The following DDX51 variants were observed in gnomAD, a reference collection of about 807,000 sequenced individuals.
DDX51 encodes DEAD-box helicase 51, also known as ATP-dependent RNA helicase DDX51.
Under a neutral mutation model 74.6 loss-of-function variants are expected in DDX51, and 67 were observed. The observed-to-expected ratio is 0.90, with a 90% CI of 0.74 to 1.10. The LOEUF (loss-of-function observed/expected upper bound fraction) is 1.10. Ranked by LOEUF, DDX51 falls within the 50% of genes least tolerant of loss-of-function variation. The pLI is 0.00. For synonymous variants in DDX51, 545 were observed against 402.9 expected, an observed-to-expected ratio of 1.35 and a Z score of -4.22; for missense variants, 1,056 against 905.2, an observed-to-expected ratio of 1.17 and a Z score of -2.14.
rs748487633 is a variant in DDX51 at position 132,140,491 on chromosome 12, G to A, written c.1605C>T (p.Phe535=). Residue 535 remains phenylalanine, a synonymous_variant, in exon 11 of 15, where the codon TTC becomes TTT. Coordinates refer to ENST00000397333, the MANE Select transcript of DDX51 (RefSeq NM_175066.4). ...QAFGGVDVAE[F]SSRYGPGQRR... ...TCTGGCCAGGCCCGTAGCGCGAGGA[G>A]AACTCAGCCACGTCCACACCCCCAA... 3 of 1,613,184 alleles carry A rather than the reference G, an allele frequency of 1.9e-6. No homozygotes were observed. The highest frequency in any genetic ancestry group is 2.2e-5 in the South Asian group (2 of 91,086).
At chr12:132,140,269 G>A (rs985424395) in intron 11 of DDX51, 70 bp from the exon 12 acceptor site, 8 of 1,577,630 alleles carry the variant, frequency 5.1e-6, no homozygotes, top group Non-Finnish European at 6.9e-6. Context: ...CGGCCCTGCG[G>A]GGGGCAGCTC....
At position 132,140,130 on chromosome 12, in the gene DDX51, G is replaced by T. The variant is rs531852048; in HGVS notation, c.1743C>A (p.Asp581Glu). ...CGTAGGTTCTCAGGTACTGGGGGGC[G>T]TCGTAGTTCACCACCAGCTCCACAC... ...VQGVELVVNYDAPQYLRTYVH... is the reference protein window; with the variant it reads ...VQGVELVVNYEAPQYLRTYVH... The change falls in exon 12 of 15, where the codon GAC becomes GAA. Residue 581 changes from aspartate to glutamate, a missense_variant. By Grantham distance (45) the Asp-to-Glu change is conservative. Coordinates refer to ENST00000397333, the MANE Select transcript of DDX51 (RefSeq NM_175066.4). 3.1e-6 allele frequency: 5 copies of T among 1,612,758 alleles called. No individual in the cohort carries two copies. Among genetic ancestry groups the T allele is most frequent in the Non-Finnish European group, 4.2e-6 (5 of 1,179,994 alleles).
At chr12:132,142,975 C>A in intron 2 of DDX51, 97 bp from the exon 3 acceptor site, 2 of 1,535,782 alleles carry the variant, frequency 1.3e-6, no homozygotes, top group Non-Finnish European at 1.8e-6. Flanking sequence ...GCTGGGGAAA[C>A]CTCTGTCGTC....
At chr12:132,139,497 A>C in intron 14 of DDX51, 138 bp downstream of exon 14, 1 of 1,571,540 alleles carries the variant, frequency 6.4e-7, no homozygotes, top group Non-Finnish European at 8.7e-7. Flanking sequence ...TTGGGCCAGA[A>C]GCTCGAGGAC....
chr12:132,142,848 C>T lies in DDX51; in HGVS notation c.550G>A (p.Glu184Lys), dbSNP rs1897524812. 3 of 1,612,914 alleles carry T rather than the reference C, an allele frequency of 1.9e-6. No homozygotes were observed. Among genetic ancestry groups the T allele is most frequent in the Non-Finnish European group, 1.7e-6 (2 of 1,180,016 alleles). ...ACATTCCTTCTGACACAGTTAGGCT[C>T]AGCCAGCCACCTTGGCAGGAAAGGC... is the stretch of plus-strand genomic sequence containing the variant. ...VQPFLPRWLA[E>K]PNCVRRNVTE... Residue 184 changes from glutamate (E) to lysine (K), a missense_variant, in exon 3 of 15, where the codon GAG (glutamate) becomes AAG (lysine). Physicochemically the swap from Glu to Lys is moderately conservative, Grantham distance 56. Transcript: ENST00000397333.
In DDX51 at chr12:132,136,646, G is replaced by C. The variant is rs1897264062; in HGVS notation, c.*2626C>G. 1 of 153,066 alleles carries C rather than the reference G, an allele frequency of 6.5e-6. No individual in the cohort carries two copies. The highest frequency in any genetic ancestry group is 1.9e-4 in the East Asian group (1 of 5,170). 9.5% of individuals were successfully genotyped at this position (153,066 alleles called of 1,614,324 possible). On this transcript the variant is annotated 3_prime_UTR_variant, in exon 15 of 15. Coordinates refer to ENST00000397333, the MANE Select transcript of DDX51 (RefSeq NM_175066.4). ...AGGAAGAAGAGCTCTCCGTTGCAGA[G>C]GGGGCCTGAGCGGGTTGCTAAGTTG...
In DDX51 at chr12:132,139,262, G is replaced by C. The variant is rs769620805; in HGVS notation, c.*10C>G. ...GAGCGTTCAGTCCCTCCGGCCCTCTGAGCCCCAGCCTAGGCCGCCCTCTGC... is the reference window on the plus strand; with the variant it reads ...GAGCGTTCAGTCCCTCCGGCCCTCTCAGCCCCAGCCTAGGCCGCCCTCTGC... On this transcript the variant is annotated 3_prime_UTR_variant, in exon 15 of 15. Coordinates refer to ENST00000397333, the MANE Select transcript of DDX51 (RefSeq NM_175066.4). The C allele has an allele frequency of 6.2e-7, 1 of 1,607,904 alleles. No individual in the cohort carries two copies. Among genetic ancestry groups the C allele is most frequent in the Non-Finnish European group, 8.5e-7 (1 of 1,178,692 alleles).
Position 132,140,645 on chromosome 12 carries a change from T to G in DDX51, c.1531A>C (p.Thr511Pro). 5.6e-6 allele frequency: 9 copies of G among 1,612,800 alleles called. No homozygotes were observed. The highest frequency in any genetic ancestry group is 7.6e-6 in the Non-Finnish European group (9 of 1,179,990). Reference protein sequence around the residue: ...EMGFSRVLCFTNSRENSHRLF... With the variant: ...EMGFSRVLCFPNSRENSHRLF... The stretch of plus-strand genomic sequence containing the variant: ...CTGTGGGAGTTCTCTCGGGAGTTAG[T>G]GAAGCAGAGAACCCTCGAGAAGCCC... Residue 511 changes from threonine to proline, a missense_variant, in exon 10 of 15, where the codon ACT becomes CCT. Thr to Pro is a conservative substitution (Grantham distance 38, BLOSUM62 -1). Transcript: ENST00000397333.
chr12:132,142,596 C>A, intron 3 of DDX51, 132 bp downstream of exon 3: 2 of 1,479,094 alleles, frequency 1.4e-6, no homozygotes, highest in Non-Finnish European at 1.8e-6. Flanking sequence ...AAGTGGGAAC[C>A]ATGAGCTTGA....
Position 132,140,690 on chromosome 12 carries a change from G to A in DDX51, c.1486C>T (p.Leu496=), listed in dbSNP as rs373479741. The A allele has an allele frequency of 3.7e-5, 59 of 1,612,982 alleles. No individual in the cohort carries two copies. Among genetic ancestry groups the A allele is most frequent in the South Asian group, 2.7e-4 (25 of 91,086 alleles). ...AAGCCCATCTCCAGGACCAGGTGCA[G>A]GACGACCAGCGGCTTAGAGCTGAGG... is the stretch of plus-strand genomic sequence containing the variant. ...CSLSSKPLVV[L]HLVLEMGFSR... Residue 496 remains leucine, a synonymous_variant, in exon 10 of 15, where the codon CTG becomes TTG. Transcript: ENST00000397333.
In DDX51 at chr12:132,140,107, T is replaced by A. The variant is rs767607890; in HGVS notation, c.1766A>T (p.Tyr589Phe). Residue 589 changes from tyrosine (Y) to phenylalanine (F), a missense_variant, in exon 12 of 15, where the codon TAC becomes TTC. Tyr to Phe is a conservative substitution (Grantham distance 22). Transcript: ENST00000397333. The part of the protein sequence containing the change: ...NYDAPQYLRT[Y>F]VHRVGRTARA... ...CTGCGCCAGCGCTCACCGGTGCACG[T>A]AGGTTCTCAGGTACTGGGGGGCGTC... 3.7e-6 allele frequency: 6 copies of A among 1,612,704 alleles called. No individual in the cohort carries two copies. The Middle Eastern group carries it at 6.6e-4, about 177-fold the overall frequency.
Position 132,144,061 on chromosome 12 carries a change from G to T in DDX51, c.236C>A (p.Ala79Glu). 7.9e-7 allele frequency: 1 copy of T among 1,270,846 alleles called. No homozygotes were observed. The highest frequency in any genetic ancestry group is 2.8e-5 in the South Asian group (1 of 35,450). The allele number at this position is 1,270,846 out of a possible 1,614,324, so 78.7% of individuals were successfully genotyped here. A position where few individuals can be genotyped will look rare whatever the true frequency, so the allele number is the denominator to read the frequency against. ...CGGCGCCTCCGGGCTCCCCGGCTCCGCGTCGTTCACCCGCCGCCGCCGCCG... is the reference window on the plus strand; with the variant it reads ...CGGCGCCTCCGGGCTCCCCGGCTCCTCGTCGTTCACCCGCCGCCGCCGCCG... The part of the protein sequence containing the change: ...RPRRRRRVND[A>E]EPGSPEAPQG... The change falls in exon 1 of 15, where the codon GCG becomes GAG. Residue 79 changes from alanine (A) to glutamate (E), a missense_variant. Ala to Glu is a moderately radical substitution (Grantham distance 107). Coordinates refer to ENST00000397333, the MANE Select transcript of DDX51 (RefSeq NM_175066.4).
At chr12:132,141,213 G>A (rs1459485236) in intron 8 of DDX51, 62 bp downstream of exon 8, 4 of 1,524,674 alleles carry the variant, frequency 2.6e-6, no homozygotes, top group Middle Eastern at 2.2e-4. Flanking sequence ...ATTAAGGAAG[G>A]AGAGCTGTGT....
chr12:132,141,091 C>T (rs1322981480), intron 8 of DDX51, 71 bp from the exon 9 acceptor site: 1 of 1,531,972 alleles, frequency 6.5e-7, no homozygotes, highest in African/African-American at 1.4e-5. Flanking sequence ...CAGGATTCCT[C>T]ATGCTACGCA....
rs200957318 is a variant in DDX51 at position 132,139,577 on chromosome 12, C to T, written c.1974+58G>A. On this transcript the variant is annotated intron_variant, in intron 14 of 14. Transcript: ENST00000397333. ...CTCTTTTCTCCACGTGTGGTGACGA[C>T]GCCCTCTCTGCAAACGCCCTCCCCA... is the stretch of plus-strand genomic sequence containing the variant. 16 of 1,612,598 alleles carry T rather than the reference C, an allele frequency of 9.9e-6. No individual in the cohort carries two copies. The East Asian group carries it at 1.1e-4, about 11-fold the overall frequency.
Position 132,142,142 on chromosome 12 carries a change from G to A in DDX51, c.865C>T (p.Pro289Ser). The A allele has an allele frequency of 2.6e-6, 4 of 1,545,898 alleles. No homozygotes were observed. Among genetic ancestry groups the A allele is most frequent in the Non-Finnish European group, 3.5e-6 (4 of 1,146,088 alleles). The change falls in exon 5 of 15, where the codon CCC becomes TCC. Residue 289 changes from proline (P) to serine (S), a missense_variant. Coordinates refer to ENST00000397333, the MANE Select transcript of DDX51 (RefSeq NM_175066.4). ...VCHIRALVVL[P>S]TKELAQQVSK... The stretch of plus-strand genomic sequence containing the variant: ...ACCTGCTGGGCCAGCTCCTTGGTGG[G>A]CAGCACAACCAGGGCACGGATGTGG...
Position 132,140,555 on chromosome 12 carries a change from GC to G in DDX51, c.1557-17del, listed in dbSNP as rs1565953622. On this transcript the variant is annotated splice_polypyrimidine_tract_variant and intron_variant, in intron 10 of 14. Transcript: ENST00000397333. ...CAGGAAGAGCCTAGGCAGAGAGAAGGCTGCGGCCAAGTGATGCTGGGACCAG... is the reference window on the plus strand; with the variant it reads ...CAGGAAGAGCCTAGGCAGAGAGAAGGTGCGGCCAAGTGATGCTGGGACCAG... The G allele has an allele frequency of 6.2e-7, 1 of 1,612,898 alleles. No individual in the cohort carries two copies. The highest frequency in any genetic ancestry group is 8.5e-7 in the Non-Finnish European group (1 of 1,179,968).
intron 14 of DDX51, 120 bp downstream of exon 14, chr12:132,139,515 G>A (rs1897364166): frequency 2.5e-6 from 4 of 1,589,008 alleles, no homozygotes; most frequent in South Asian, 1.1e-5. Flanking sequence ...GACAACCTGT[G>A]TGACCCTCTG....
At chr12:132,139,821 C>T (rs568996389) in intron 13 of DDX51, 40 bp downstream of exon 13, 1 of 1,612,726 alleles carries the variant, frequency 6.2e-7, no homozygotes, top group Non-Finnish European at 8.5e-7. Flanking sequence ...CCCTTAACAC[C>T]CACCAACAGC....
Sources: gnomAD v4.1 joint callset for allele counts on GRCh38, gnomAD v4.1.1 for gene constraint, MANE v1.5 for transcripts, NCBI Gene and HGNC (gene_info 2026-07-23, HGNC 2026-07-21) for gene names.